Variants in GRIN2A observed in about 807,000 individuals in gnomAD.
GRIN2A encodes the protein glutamate receptor ionotropic, NMDA 2A.
In GRIN2A, 22 loss-of-function variants were observed where a neutral mutation model predicts 113.4. The observed-to-expected ratio is 0.19, with a 90% CI of 0.14 to 0.28. The LOEUF is 0.28. Ranked by LOEUF, GRIN2A falls within the 10% of genes least tolerant of loss-of-function variation. GRIN2A has a pLI of 1.00. For synonymous variants in GRIN2A, 827 were observed against 738.4 expected, an observed-to-expected ratio of 1.12 and a Z score of -1.94; for missense variants, 1,502 against 1,887.0, an observed-to-expected ratio of 0.80 and a Z score of 3.78.
intron 2 of GRIN2A, among the ~76,000 whole-genome samples, chr16:10,097,693 T>G (rs79689697): frequency 0.025 from 3,751 of 152,294 alleles, 66 homozygotes; most frequent in Middle Eastern, 0.061. Context: ...ATCCCTAAAC[T>G]GCATCCGACC....
intron 10 of GRIN2A, among the ~76,000 whole-genome samples, chr16:9,816,983 C>A (rs1384995083): frequency 6.6e-6 from 1 of 152,194 alleles, no homozygotes; most frequent in African/African-American, 2.4e-5. Context: ...AAAATCCCAT[C>A]TCTGTTGATG....
chr16:9,792,935 G>A (rs1281621047), intron 11 of GRIN2A, among the ~76,000 whole-genome samples: 2 of 152,224 alleles, frequency 1.3e-5, no homozygotes, highest in Non-Finnish European at 2.9e-5. Flanking sequence ...AGTCTGAACA[G>A]GGTGTTGTCC....
chr16:10,037,645 A>C (rs993717119), intron 2 of GRIN2A, among the ~76,000 whole-genome samples: 1 of 152,098 alleles, frequency 6.6e-6, no homozygotes, highest in Non-Finnish European at 1.5e-5. Context: ...TATTTTTTAG[A>C]GACAGGGTCT....
At chr16:10,172,668 G>A (rs1453406935) in intron 2 of GRIN2A, among the ~76,000 whole-genome samples, 1 of 152,216 alleles carries the variant, frequency 6.6e-6, no homozygotes, top group Non-Finnish European at 1.5e-5. Context: ...GCCATAGGGG[G>A]AATCGGGGCC....
At chr16:9,773,673 T>G (rs1402495239) in intron 11 of GRIN2A, among the ~76,000 whole-genome samples, 1 of 152,170 alleles carries the variant, frequency 6.6e-6, no homozygotes, top group East Asian at 1.9e-4. Context: ...TGTTTCCACC[T>G]CCTCCAGTGA....
At chr16:9,920,676 C>T (rs1192682401) in intron 3 of GRIN2A, among the ~76,000 whole-genome samples, 2 of 152,030 alleles carry the variant, frequency 1.3e-5, no homozygotes, top group Non-Finnish European at 2.9e-5. Flanking sequence ...AACGATTCCC[C>T]TGCCTCAGCC....
intron 2 of GRIN2A, among the ~76,000 whole-genome samples, chr16:10,050,319 A>G (rs545502622): frequency 2.0e-5 from 3 of 152,138 alleles, no homozygotes; most frequent in Non-Finnish European, 4.4e-5. Context: ...CCAGTCCATG[A>G]CCTATTAGGA....
rs113991840 is a variant in GRIN2A, at chr16:10,097,948, T to C, written c.414+82050A>G. Among the ~76,000 whole-genome samples, 1,276 of 152,224 alleles carry C rather than the reference T, an allele frequency of 8.4e-3. 19 individuals carry two copies. The highest frequency in any genetic ancestry group is 0.029 in the African/African-American group (1,223 of 41,530). ...AAAACAAAGACAAATAGGCGGTACT[T>C]AATTAAACTAAAGAGCTTCTGCACA... is the stretch of plus-strand genomic sequence containing the variant. On this transcript the variant is annotated intron_variant, in intron 2 of 12. Transcript: ENST00000330684.
chr16:10,007,070 T>C (rs1015637529), intron 2 of GRIN2A, among the ~76,000 whole-genome samples: 3 of 152,248 alleles, frequency 2.0e-5, no homozygotes, highest in African/African-American at 7.2e-5. Flanking sequence ...TGTTGGCTAT[T>C]ATGAATAGTG....
At chr16:10,121,675 G>A (rs866470642) in intron 2 of GRIN2A, 1 of 152,194 alleles carries the variant, frequency 6.6e-6, no homozygotes, top group Non-Finnish European at 1.5e-5. Context: ...CATTCTGCCT[G>A]AGTTGAGATC....
At chr16:9,909,241 G>A (rs1381635825) in intron 3 of GRIN2A, among the ~76,000 whole-genome samples, 1 of 152,128 alleles carries the variant, frequency 6.6e-6, no homozygotes, top group Non-Finnish European at 1.5e-5. Flanking sequence ...AGAAAAGCAT[G>A]GGAAAAACCC....
intron 9 of GRIN2A, among the ~76,000 whole-genome samples, chr16:9,826,975 TTGCTTCCTGC>T (rs1318885810): frequency 8.5e-5 from 13 of 152,222 alleles, no homozygotes; most frequent in African/African-American, 3.1e-4. Flanking sequence ...TTCCAGGACA[TTGCTTCCTGC>T]TGCTTCCACC....
chr16:9,852,331 G>T (rs2042898604), intron 4 of GRIN2A, among the ~76,000 whole-genome samples: 1 of 152,162 alleles, frequency 6.6e-6, no homozygotes, highest in Non-Finnish European at 1.5e-5. Context: ...TTCCTTCCTT[G>T]CAGACATGTT....
chr16:9,853,722 C>T (rs1005739943), intron 4 of GRIN2A, among the ~76,000 whole-genome samples: 1 of 151,818 alleles, frequency 6.6e-6, no homozygotes, highest in African/African-American at 2.4e-5. Flanking sequence ...TTTGCCTACT[C>T]CAATTTTTTT....
At position 10,006,969 on chromosome 16, in the gene GRIN2A, C is replaced by T. The variant is rs145945228; in HGVS notation, c.415-68418G>A. Among the ~76,000 whole-genome samples the T allele has an allele frequency of 2.0e-5, 3 of 152,298 alleles. No individual in the cohort carries two copies. The East Asian group carries it at 5.8e-4, about 29-fold the overall frequency. ...TTGTTGCAAATGACAGGATCTCATT[C>T]TTTTTATGGCTAAATAGTACTCCAT... On this transcript the variant is annotated intron_variant, in intron 2 of 12. Transcript: ENST00000330684.
chr16:9,964,745 G>A (rs2045517363), intron 2 of GRIN2A, among the ~76,000 whole-genome samples: 1 of 152,056 alleles, frequency 6.6e-6, no homozygotes, highest in Admixed American at 6.6e-5. Flanking sequence ...CACTTTTGAG[G>A]ATTCACAGGA....
At chr16:9,807,057 A>G (rs62034938) in intron 10 of GRIN2A, among the ~76,000 whole-genome samples, 15,861 of 150,970 alleles carry the variant, frequency 0.11, 1,057 homozygotes, top group East Asian at 0.22. Context: ...CATGTAAGAC[A>G]TGCCTTTCAC....
chr16:10,033,634 A>T (rs546399051), intron 2 of GRIN2A: 5 of 152,378 alleles, frequency 3.3e-5, no homozygotes, highest in African/African-American at 1.2e-4. Flanking sequence ...CTCAGAAATG[A>T]AAGCTATGCC....
intron 3 of GRIN2A, among the ~76,000 whole-genome samples, chr16:9,909,288 C>T (rs1204916394): frequency 6.6e-6 from 1 of 152,178 alleles, no homozygotes; most frequent in Non-Finnish European, 1.5e-5. Context: ...CAGGTCCTTC[C>T]CACAACATGT....
Sources: allele counts gnomAD v4.1 joint callset (sites outside exome capture counted in the v4.1 genomes callset), GRCh38; gene constraint gnomAD v4.1.1; transcripts MANE v1.5; gene names NCBI Gene and HGNC (gene_info 2026-07-23, HGNC 2026-07-21).